Variants in PACSIN2 observed in about 807,000 individuals in gnomAD.
PACSIN2 encodes protein kinase C and casein kinase substrate in neurons 2.
Under a neutral mutation model 63.8 loss-of-function variants are expected in PACSIN2, and 25 were observed. That is an observed-to-expected ratio of 0.39 (90% confidence interval 0.29 to 0.55). The LOEUF (loss-of-function observed/expected upper bound fraction) is 0.55. PACSIN2 is among the 20% of genes least tolerant of loss of function. The probability of loss-of-function intolerance (pLI) is 0.62; values close to 1 mark genes in which losing one functional copy is unlikely to be tolerated. For synonymous variants in PACSIN2, 255 were observed against 256.2 expected, an observed-to-expected ratio of 1.00 and a Z score of 0.05; for missense variants, 518 against 646.9, an observed-to-expected ratio of 0.80 and a Z score of 2.16.
chr22:42,947,444 C>T (rs1933473256), intron 1 of PACSIN2, among the ~76,000 whole-genome samples: 1 of 152,152 alleles, frequency 6.6e-6, no homozygotes, highest in Non-Finnish European at 1.5e-5. Flanking sequence ...CCTTTGTCCA[C>T]AAAAGAGGAG....
chr22:43,009,538 G>A (rs1449830901), intron 1 of PACSIN2, among the ~76,000 whole-genome samples: 1 of 152,186 alleles, frequency 6.6e-6, no homozygotes, highest in Non-Finnish European at 1.5e-5. Context: ...ATTTGCAAAA[G>A]GTGAAGGTCC....
intron 1 of PACSIN2, among the ~76,000 whole-genome samples, chr22:42,947,355 C>T (rs1285598373): frequency 6.6e-6 from 1 of 152,174 alleles, no homozygotes; most frequent in African/African-American, 2.4e-5. Context: ...GTCAACGCTT[C>T]AGCTTCTTTC....
chr22:42,967,673 G>A (rs907091919), intron 1 of PACSIN2, among the ~76,000 whole-genome samples: 2 of 152,156 alleles, frequency 1.3e-5, no homozygotes, highest in African/African-American at 2.4e-5. Flanking sequence ...CGGATCACGA[G>A]GTCAGGAGAT....
At chr22:42,934,049 C>T (rs549458565) in intron 1 of PACSIN2, among the ~76,000 whole-genome samples, 50 of 152,332 alleles carry the variant, frequency 3.3e-4, no homozygotes, top group Admixed American at 5.9e-4. Flanking sequence ...CTTTAACACA[C>T]TTGTCTTCCA....
intron 1 of PACSIN2, among the ~76,000 whole-genome samples, chr22:42,969,552 A>T (rs776699693): frequency 6.6e-6 from 1 of 152,186 alleles, no homozygotes; most frequent in Admixed American, 6.5e-5. Flanking sequence ...AACGATGACC[A>T]TTGTAACACC....
In PACSIN2 at chr22:42,893,595, T is replaced by A. The variant is rs1427224178; in HGVS notation, c.79A>T (p.Thr27Ser). The A allele has an allele frequency of 3.1e-6, 5 of 1,614,026 alleles. No individual in the cohort carries two copies. The highest frequency in any genetic ancestry group is 2.2e-5 in the South Asian group (2 of 91,080). ...TGGCCATCGTCGATCCGCTTCACAG[T>A]CCGCTTGTAGTTCCCGACCTAGGAG... ...SFWEVGNYKR[T>S]VKRIDDGHRL... is the part of the protein sequence containing the mutation. The change falls in exon 3 of 11, where the codon ACT (threonine) becomes TCT (serine). Residue 27 changes from threonine to serine, a missense_variant. This residue lies in a region of PACSIN2 where 507 missense variants were observed against 612.3 expected (regional missense o/e 0.83). Transcript: ENST00000263246.
Position 42,871,478 on chromosome 22 carries a change from CAA to C in PACSIN2, c.1349-11_1349-10del, listed in dbSNP as rs1697999815. ...CTTGGTCAGCTCATCCCCTGCAAGA[CAA>C]AGAGGGAGCCGTCTCCATGAGAGGT... is the stretch of plus-strand genomic sequence containing the variant. On this transcript the variant is annotated splice_polypyrimidine_tract_variant and intron_variant, in intron 10 of 10. Transcript: ENST00000263246. The surrounding 1 kb of genome is among the most constrained non-coding windows in gnomAD (Gnocchi z 5.4). 10 of 1,601,800 alleles carry C rather than the reference CAA, an allele frequency of 6.2e-6. No homozygotes were observed. Among genetic ancestry groups the C allele is most frequent in the South Asian group, 2.2e-5 (2 of 90,866 alleles).
At chr22:42,919,808 A>C (rs1338887214) in intron 1 of PACSIN2, among the ~76,000 whole-genome samples, 1 of 149,410 alleles carries the variant, frequency 6.7e-6, no homozygotes, top group South Asian at 2.1e-4. Flanking sequence ...GAAAGAAAGA[A>C]AGAAAAAGAA....
At chr22:42,990,341 T>C (rs1280156208) in intron 1 of PACSIN2, among the ~76,000 whole-genome samples, 1 of 152,076 alleles carries the variant, frequency 6.6e-6, no homozygotes, top group Non-Finnish European at 1.5e-5. Context: ...CCTGCATTGT[T>C]CATCCCACAG....
chr22:42,937,076 T>C lies in PACSIN2; in HGVS notation c.-77-24919A>G, dbSNP rs144216502. Among the ~76,000 whole-genome samples the C allele has an allele frequency of 4.9e-4, 75 of 152,348 alleles. No individual in the cohort carries two copies. The East Asian group carries it at 0.013, about 27-fold the overall frequency. Reference sequence around the variant, plus strand: ...CACGGTGTTCTGAATGCTGGGAATCTAACAGCGGAGAGAACAGACCAAAAC... The same window carrying C: ...CACGGTGTTCTGAATGCTGGGAATCCAACAGCGGAGAGAACAGACCAAAAC... On this transcript the variant is annotated intron_variant, in intron 1 of 10. Coordinates refer to ENST00000263246, the MANE Select transcript of PACSIN2 (RefSeq NM_001184970.3).
intron 1 of PACSIN2, among the ~76,000 whole-genome samples, chr22:42,985,222 G>C (rs1428084599): frequency 6.6e-6 from 1 of 152,228 alleles, no homozygotes; most frequent in Non-Finnish European, 1.5e-5. Flanking sequence ...CAGCTACTTG[G>C]GGGCTGAGGC....
In PACSIN2 at chr22:42,871,006, G is replaced by A. The variant is rs916837159; in HGVS notation, c.*351C>T. 2.7e-5 allele frequency: 7 copies of A among 258,410 alleles called. No homozygotes were observed. Among genetic ancestry groups the A allele is most frequent in the African/African-American group, 1.1e-4 (5 of 46,408 alleles). The allele number at this position is 258,410 out of a possible 1,614,324, so 16.0% of individuals were successfully genotyped here. On this transcript the variant is annotated 3_prime_UTR_variant, in exon 11 of 11. Transcript: ENST00000263246. This position sits in a 1 kb window ranked among gnomAD's most constrained non-coding sequence, Gnocchi z 5.4. ...CATTTAAGTTGCAGGTGATGGACTC[G>A]TCAGAGAGAGTAATCAGTGGAACAA...
intron 1 of PACSIN2, among the ~76,000 whole-genome samples, chr22:42,991,187 G>A (rs1469820981): frequency 6.6e-6 from 1 of 152,158 alleles, no homozygotes; most frequent in Non-Finnish European, 1.5e-5. Flanking sequence ...GTATAGACTT[G>A]GAGACTGCTC....
intron 1 of PACSIN2, among the ~76,000 whole-genome samples, chr22:42,965,432 G>A (rs1448740748): frequency 2.6e-5 from 4 of 152,260 alleles, no homozygotes; most frequent in East Asian, 3.9e-4. Context: ...GGAAGAAGGC[G>A]GGAGAAGGAG....
intron 1 of PACSIN2, among the ~76,000 whole-genome samples, chr22:42,983,703 C>T (rs1054554272): frequency 6.6e-6 from 1 of 152,150 alleles, no homozygotes; most frequent in African/African-American, 2.4e-5. Context: ...CTTAAGCCAT[C>T]CTCCCACCTC....
chr22:42,962,674 C>T (rs1444236680), intron 1 of PACSIN2, among the ~76,000 whole-genome samples: 2 of 149,570 alleles, frequency 1.3e-5, no homozygotes, highest in Non-Finnish European at 3.0e-5. Context: ...CACAGGGCCA[C>T]CCTCACATGC....
chr22:42,962,436 T>C (rs1934167365), intron 1 of PACSIN2, among the ~76,000 whole-genome samples: 1 of 152,188 alleles, frequency 6.6e-6, no homozygotes, highest in African/African-American at 2.4e-5. Context: ...AGAGCCAGCC[T>C]GTAAGCCAGG....
rs561199315 is a variant in PACSIN2 at position 43,008,744 on chromosome 22, G to A, written c.-78+6277C>T. Among the ~76,000 whole-genome samples the A allele has an allele frequency of 2.0e-5, 3 of 152,352 alleles. No homozygotes were observed. The East Asian group carries it at 5.8e-4, about 29-fold the overall frequency. On this transcript the variant is annotated intron_variant, in intron 1 of 10. Transcript: ENST00000263246. ...AACCCACCCAGCGGCTCTGGGCCCA[G>A]GGAGGGGCCTCCTAGACTGCAGAAA...
chr22:42,884,327 T>C, intron 6 of PACSIN2, 59 bp downstream of exon 6: 2 of 1,520,494 alleles, frequency 1.3e-6, no homozygotes, highest in Admixed American at 3.7e-5. Flanking sequence ...TGAGTTTGCT[T>C]CAAAAGCACT....
Sources: allele counts gnomAD v4.1 joint callset (sites outside exome capture counted in the v4.1 genomes callset), GRCh38; gene constraint gnomAD v4.1.1; regional missense constraint gnomAD v4.1.1; non-coding constraint Gnocchi (gnomAD v3.1); transcripts MANE v1.5; gene names NCBI Gene and HGNC (gene_info 2026-07-23, HGNC 2026-07-21).